The following RGS6 variants were observed in gnomAD, a reference collection of about 807,000 sequenced individuals.
RGS6 encodes the protein regulator of G protein signaling 6.
Under a neutral mutation model 78.5 loss-of-function variants are expected in RGS6, and 30 were observed. That is an observed-to-expected ratio of 0.38 (90% CI 0.29 to 0.52). The LOEUF is 0.52. Among genes scored for constraint, RGS6 ranks in the 20% least tolerant of loss-of-function variants. RGS6 has a pLI of 0.85. For synonymous variants in RGS6, 206 were observed against 206.0 expected (o/e 1.00, Z 0.00); for missense variants, 495 against 609.7 (o/e 0.81, Z 1.98).
intron 17 of RGS6, chr14:72,541,082 T>A: frequency 7.4e-7 from 1 of 1,355,132 alleles, no homozygotes; most frequent in South Asian, 1.2e-5. Flanking sequence ...TCCTGTACCA[T>A]GAACATCAAA....
At chr14:72,238,931 C>T (rs1168893897) in intron 2 of RGS6, among the ~76,000 whole-genome samples, 1 of 152,188 alleles carries the variant, frequency 6.6e-6, no homozygotes, top group Non-Finnish European at 1.5e-5. Flanking sequence ...TGGAAGGTGT[C>T]CGAGTTACTG....
chr14:72,142,301 C>T (rs2096550641), intron 2 of RGS6, among the ~76,000 whole-genome samples: 1 of 150,576 alleles, frequency 6.6e-6, no homozygotes, highest in African/African-American at 2.4e-5. Context: ...TTCCTGTGGT[C>T]ATAAAGTGAT....
intron 3 of RGS6, among the ~76,000 whole-genome samples, chr14:72,450,479 T>C (rs577480170): frequency 6.6e-6 from 1 of 152,342 alleles, no homozygotes; most frequent in East Asian, 1.9e-4. Context: ...TGCCGTCTGG[T>C]GTATATCCTG....
the RGS6 span, among the ~76,000 whole-genome samples, chr14:71,892,100 T>G: frequency 2.0e-5 from 3 of 152,194 alleles, no homozygotes; most frequent in Admixed American, 6.5e-5. Flanking sequence ...GTGAAGAGTC[T>G]CTGTGTTTTT....
rs542847390 is a variant in RGS6, at chr14:72,295,093, C to T, written c.85-57002C>T. Among the ~76,000 whole-genome samples the T allele has an allele frequency of 2.0e-5, 3 of 152,014 alleles. No homozygotes were observed. In the South Asian group the frequency reaches 6.2e-4, roughly 32 times the overall value. ...GATCACGAGGTCAGGAGATCGAGAC[C>T]ATCCCGGCTAAAACGGTGAAACCCC... On this transcript the variant is annotated intron_variant, in intron 2 of 17. Coordinates refer to ENST00000553525, the MANE Select transcript of RGS6 (RefSeq NM_001204424.2).
intron 3 of RGS6, among the ~76,000 whole-genome samples, chr14:72,413,087 C>T (rs2093549848): frequency 6.6e-6 from 1 of 152,168 alleles, no homozygotes; most frequent in South Asian, 2.1e-4. Context: ...ATTAGGTCCG[C>T]TTGGTGCAGA....
chr14:72,525,232 C>T (rs2097103077), intron 15 of RGS6, among the ~76,000 whole-genome samples: 3 of 152,170 alleles, frequency 2.0e-5, no homozygotes, highest in Non-Finnish European at 2.9e-5. Context: ...GGGGAGTACA[C>T]CTAGTAGATA....
intron 2 of RGS6, among the ~76,000 whole-genome samples, chr14:72,166,649 CCTT>C (rs1377249146): frequency 6.6e-6 from 1 of 152,178 alleles, no homozygotes; most frequent in East Asian, 1.9e-4. Context: ...GCATAGGAGA[CCTT>C]CTTGTTTGAG....
At chr14:72,168,640 T>C (rs554297363) in intron 2 of RGS6, among the ~76,000 whole-genome samples, 1 of 152,386 alleles carries the variant, frequency 6.6e-6, no homozygotes, top group South Asian at 2.1e-4. Context: ...TAGTTCTAAC[T>C]GTTTTTTTCT....
At chr14:72,571,985 T>C in the RGS6 span, among the ~76,000 whole-genome samples, 1 of 152,194 alleles carries the variant, frequency 6.6e-6, no homozygotes, top group South Asian at 2.1e-4. Flanking sequence ...AATTAAATGC[T>C]GGGTGAAGGA....
chr14:72,424,796 C>T (rs969942884), intron 3 of RGS6, among the ~76,000 whole-genome samples: 2 of 152,154 alleles, frequency 1.3e-5, no homozygotes, highest in African/African-American at 4.8e-5. Context: ...CATCTGAGTT[C>T]TGGGGGGGCA....
the RGS6 span, among the ~76,000 whole-genome samples, chr14:71,888,967 A>G: frequency 6.6e-6 from 1 of 152,194 alleles, no homozygotes; most frequent in Non-Finnish European, 1.5e-5. Context: ...TAACTATAGC[A>G]TTATTGTCAT....
chr14:71,920,495 G>C, the RGS6 span, among the ~76,000 whole-genome samples: 3 of 152,190 alleles, frequency 2.0e-5, no homozygotes, highest in African/African-American at 7.2e-5. Context: ...CTACTGAAGA[G>C]AAAGAGGTAG....
intron 2 of RGS6, among the ~76,000 whole-genome samples, chr14:72,259,360 A>G (rs1211437071): frequency 6.6e-6 from 1 of 152,114 alleles, no homozygotes; most frequent in East Asian, 1.9e-4. Context: ...CACAGTCTCC[A>G]CCATTCCCTA....
At chr14:72,439,178 T>C (rs572752613) in intron 3 of RGS6, among the ~76,000 whole-genome samples, 1 of 152,390 alleles carries the variant, frequency 6.6e-6, no homozygotes, top group South Asian at 2.1e-4. Flanking sequence ...TCATGCAGTT[T>C]CCTTGTTCAT....
intron 2 of RGS6, among the ~76,000 whole-genome samples, chr14:72,277,083 C>T (rs1254286352): frequency 6.6e-6 from 1 of 152,186 alleles, no homozygotes; most frequent in Non-Finnish European, 1.5e-5. Context: ...CATGAATGAA[C>T]AACTTCCCTC....
intron 3 of RGS6, among the ~76,000 whole-genome samples, chr14:72,372,843 G>A (rs1196606121): frequency 6.6e-6 from 1 of 152,204 alleles, no homozygotes; most frequent in Non-Finnish European, 1.5e-5. Context: ...CTGCCAGAGA[G>A]GAAAATATGG....
chr14:72,607,449 A>G, the RGS6 span, among the ~76,000 whole-genome samples: 1 of 152,226 alleles, frequency 6.6e-6, no homozygotes, highest in Non-Finnish European at 1.5e-5. Context: ...AATGCCGTGC[A>G]TGTGGACTCT....
At chr14:72,092,411 T>C (rs1415485557) in intron 2 of RGS6, among the ~76,000 whole-genome samples, 1 of 152,112 alleles carries the variant, frequency 6.6e-6, no homozygotes, top group African/African-American at 2.4e-5. Context: ...GGCTGGTCTC[T>C]CGCTCTGTCA....
Sources: allele counts gnomAD v4.1 joint callset (sites outside exome capture counted in the v4.1 genomes callset), GRCh38; gene constraint gnomAD v4.1.1; transcripts MANE v1.5; gene names NCBI Gene and HGNC (gene_info 2026-07-23, HGNC 2026-07-21).